The following PRDM16 variants were observed in gnomAD, a reference collection of about 807,000 sequenced individuals.
PRDM16 encodes PR/SET domain 16, also known as histone-lysine N-methyltransferase PRDM16.
Under a neutral mutation model 110.6 loss-of-function variants are expected in PRDM16, and 23 were observed. That is an observed-to-expected ratio of 0.21 (90% CI 0.15 to 0.29). PRDM16 has a LOEUF of 0.29. Ranked by LOEUF, PRDM16 falls within the 10% of genes least tolerant of loss-of-function variation. The pLI, the probability that PRDM16 is intolerant of heterozygous loss-of-function variation, is 1.00. For synonymous variants in PRDM16, 799 were observed against 781.8 expected, an observed-to-expected ratio of 1.02 and a Z score of -0.37; for missense variants, 1,615 against 1,794.3, an observed-to-expected ratio of 0.90 and a Z score of 1.81.
chr1:3,094,201 G>C (rs1343001291), intron 1 of PRDM16, among the ~76,000 whole-genome samples: 1 of 152,238 alleles, frequency 6.6e-6, no homozygotes, highest in East Asian at 1.9e-4. Flanking sequence ...CCCAGGCCTG[G>C]AGCCGCGGAG....
intron 1 of PRDM16, among the ~76,000 whole-genome samples, chr1:3,181,243 C>T (rs866231715): frequency 4.4e-3 from 216 of 49,428 alleles, no homozygotes; most frequent in Middle Eastern, 0.013. Flanking sequence ...GTCTTACACA[C>T]AGTCTTACAC....
chr1:3,159,703 C>T (rs1227837053), intron 1 of PRDM16, among the ~76,000 whole-genome samples: 2 of 152,290 alleles, frequency 1.3e-5, no homozygotes, highest in East Asian at 1.9e-4. Context: ...GAGTTGGAGT[C>T]CAGGTGGCCT....
intron 3 of PRDM16, among the ~76,000 whole-genome samples, chr1:3,257,393 T>C (rs1201164211): frequency 6.6e-6 from 1 of 152,106 alleles, no homozygotes; most frequent in Non-Finnish European, 1.5e-5. Flanking sequence ...GCTGGTGTGG[T>C]CCCTCCAGAG....
intron 1 of PRDM16, among the ~76,000 whole-genome samples, chr1:3,173,924 G>C (rs1216996784): frequency 6.6e-5 from 10 of 152,252 alleles, no homozygotes. Flanking sequence ...CTGGCAAGGA[G>C]GGTCATGTGT....
intron 1 of PRDM16, among the ~76,000 whole-genome samples, chr1:3,119,823 G>A (rs545903303): frequency 2.6e-5 from 4 of 152,338 alleles, no homozygotes; most frequent in South Asian, 4.1e-4. Context: ...CTGTCACGCC[G>A]GATTGTCCCC....
At chr1:3,373,752 G>A (rs1188594678) in intron 3 of PRDM16, among the ~76,000 whole-genome samples, 5 of 152,196 alleles carry the variant, frequency 3.3e-5, no homozygotes, top group South Asian at 2.1e-4. Flanking sequence ...CTGCACCTCC[G>A]TGAGAAAAAC....
At chr1:3,340,436 C>T (rs986287669) in intron 3 of PRDM16, among the ~76,000 whole-genome samples, 4 of 152,178 alleles carry the variant, frequency 2.6e-5, no homozygotes, top group African/African-American at 4.8e-5. Flanking sequence ...ACCAAACACC[C>T]GCTCCCGGAG....
At chr1:3,079,316 G>T (rs1036776735) in intron 1 of PRDM16, among the ~76,000 whole-genome samples, 4 of 152,130 alleles carry the variant, frequency 2.6e-5, no homozygotes, top group Non-Finnish European at 4.4e-5. Flanking sequence ...CCTGTCCCAC[G>T]CGCTGCCTGG....
intron 1 of PRDM16, among the ~76,000 whole-genome samples, chr1:3,089,269 C>T (rs765421800): frequency 6.6e-6 from 1 of 152,240 alleles, no homozygotes; most frequent in Non-Finnish European, 1.5e-5. Context: ...GCACCCAGCT[C>T]CCGCACAATA....
rs977415759 is a variant in PRDM16, at chr1:3,332,004, G to A, written c.439-53148G>A. 9.8e-5 allele frequency among the ~76,000 whole-genome samples: 15 copies of A among 152,362 alleles called. No homozygotes were observed. In the East Asian group the frequency reaches 2.9e-3, roughly 29 times the overall value. The stretch of plus-strand genomic sequence containing the variant: ...AGACTCTGGCCCTGGGACTGGGTGT[G>A]CATTCCTGAACAGGGGACGGGCTTG... On this transcript the variant is annotated intron_variant, in intron 3 of 16. Transcript: ENST00000270722.
At chr1:3,349,530 G>C (rs1422281100) in intron 3 of PRDM16, among the ~76,000 whole-genome samples, 6 of 152,144 alleles carry the variant, frequency 3.9e-5, no homozygotes, top group Middle Eastern at 3.2e-3. Flanking sequence ...TTATTTCAGA[G>C]CTGTCATCCT....
At chr1:3,133,444 C>T (rs1643374716) in intron 1 of PRDM16, 1 of 152,476 alleles carries the variant, frequency 6.6e-6, no homozygotes, top group Non-Finnish European at 1.5e-5. Flanking sequence ...CTGGAACCAC[C>T]TGGAGATGAT....
At chr1:3,260,458 G>A (rs1257015927) in intron 3 of PRDM16, among the ~76,000 whole-genome samples, 1 of 152,092 alleles carries the variant, frequency 6.6e-6, no homozygotes, top group Non-Finnish European at 1.5e-5. Context: ...CGTCTGTAAA[G>A]TGGAAATAAT....
In PRDM16 at chr1:3,307,712, C is replaced by T. The variant is rs76197684; in HGVS notation, c.438+63575C>T. Reference sequence around the variant, plus strand: ...ATTTTTCAGGGCTCCATGAGCTTACCCCTTAAAGCTCAAGGATTTTACAGC... The same window carrying T: ...ATTTTTCAGGGCTCCATGAGCTTACTCCTTAAAGCTCAAGGATTTTACAGC... On this transcript the variant is annotated intron_variant, in intron 3 of 16. Transcript: ENST00000270722. 6.6e-3 allele frequency: 1,007 copies of T among 152,212 alleles called. 22 individuals are homozygous for T. Among genetic ancestry groups the T allele is most frequent in the African/African-American group, 0.023 (968 of 41,540 alleles). The allele number at this position is 152,212 out of a possible 1,614,324, so 9.4% of individuals were successfully genotyped here.
Position 3,143,395 on chromosome 1 carries a change from A to C in PRDM16, c.38-42730A>C, listed in dbSNP as rs1192550871. ...CCAGTCCCAGCAGGTGGCCTCCCCAACTTGAGCTGGGTTCATTTCCTCTCT... is the reference window on the plus strand; with the variant it reads ...CCAGTCCCAGCAGGTGGCCTCCCCACCTTGAGCTGGGTTCATTTCCTCTCT... On this transcript the variant is annotated intron_variant, in intron 1 of 16. Coordinates refer to ENST00000270722, the MANE Select transcript of PRDM16 (RefSeq NM_022114.4). The surrounding 1 kb of genome is among the most constrained non-coding windows in gnomAD (Gnocchi z 4.5). Among the ~76,000 whole-genome samples, 2 of 152,150 alleles carry C rather than the reference A, an allele frequency of 1.3e-5. No homozygotes were observed. The highest frequency in any genetic ancestry group is 2.9e-5 in the Non-Finnish European group (2 of 68,018).
At position 3,350,879 on chromosome 1, in the gene PRDM16, C is replaced by T. The variant is rs908338457; in HGVS notation, c.439-34273C>T. On this transcript the variant is annotated intron_variant, in intron 3 of 16. Coordinates refer to ENST00000270722, the MANE Select transcript of PRDM16 (RefSeq NM_022114.4). The surrounding 1 kb of genome is among the most constrained non-coding windows in gnomAD (Gnocchi z 7.1). ...ACTTCTGGCTGGGGGATATACACCC[C>T]CCAGTCCTTGCAGAGCCCACTCTGA... Among the ~76,000 whole-genome samples the T allele has an allele frequency of 3.3e-5, 5 of 152,174 alleles. No individual in the cohort carries two copies. The highest frequency in any genetic ancestry group is 1.2e-4 in the African/African-American group (5 of 41,442).
intron 1 of PRDM16, among the ~76,000 whole-genome samples, chr1:3,114,654 G>A (rs954706480): frequency 5.3e-5 from 8 of 151,860 alleles, no homozygotes; most frequent in African/African-American, 1.2e-4. Context: ...GCACACACAC[G>A]TGCACACACA....
At chr1:3,167,320 G>A (rs1273164702) in intron 1 of PRDM16, among the ~76,000 whole-genome samples, 2 of 152,142 alleles carry the variant, frequency 1.3e-5, no homozygotes, top group African/African-American at 2.4e-5. Flanking sequence ...CCGGAAATCC[G>A]TCATCCGCAG....
intron 3 of PRDM16, among the ~76,000 whole-genome samples, chr1:3,330,048 G>A (rs1423399796): frequency 1.3e-5 from 2 of 152,256 alleles, no homozygotes; most frequent in Non-Finnish European, 2.9e-5. Flanking sequence ...AGTGATGATG[G>A]CAGAGTCTGC....
Sources: allele counts gnomAD v4.1 joint callset (sites outside exome capture counted in the v4.1 genomes callset), GRCh38; gene constraint gnomAD v4.1.1; non-coding constraint Gnocchi (gnomAD v3.1); transcripts MANE v1.5; gene names NCBI Gene and HGNC (gene_info 2026-07-23, HGNC 2026-07-21).